Variants in BARX2 observed in about 807,000 individuals in gnomAD.
BARX2 encodes BARX homeobox 2, also known as homeobox protein BarH-like 2.
BARX2 carries 11 observed loss-of-function variants against 25.5 expected under a neutral mutation model. The observed-to-expected ratio is 0.43, with a 90% CI of 0.27 to 0.71. BARX2 has a LOEUF of 0.71. BARX2 is among the 30% of genes least tolerant of loss of function. The pLI is 0.19. For missense variants in BARX2, 360 were observed against 359.9 expected (o/e 1.00, Z 0.00); for synonymous variants, 137 against 149.5 (o/e 0.92, Z 0.61).
At chr11:129,375,784 G>T (rs1327638890), upstream of BARX2, among the ~76,000 whole-genome samples, 2 of 152,104 alleles carry the variant, frequency 1.3e-5, no homozygotes, top group Non-Finnish European at 2.9e-5. The surrounding 1 kb of genome is among the most constrained non-coding windows in gnomAD (Gnocchi z 4.0). Flanking sequence ...ACCCGGCCCT[G>T]CAGGAAGCTC....
At chr11:129,419,415 C>T (rs138205957) in intron 1 of BARX2, among the ~76,000 whole-genome samples, 9 of 152,226 alleles carry the variant, frequency 5.9e-5, no homozygotes, top group South Asian at 2.1e-4. Flanking sequence ...CACTTAAAGC[C>T]GAAGTTTCCA....
At chr11:129,434,421 T>TAAAAAAAAAAAAAAAAAAAA (rs56344103) in intron 1 of BARX2, among the ~76,000 whole-genome samples, 32 of 76,378 alleles carry the variant, frequency 4.2e-4, no homozygotes, top group Admixed American at 1.7e-3. Flanking sequence ...AAAAAGTAAG[T>TAAAAAAAAAAAAAAAAAAAA]AAAAAAAAAA....
At chr11:129,408,249 T>A (rs1861853037) in intron 1 of BARX2, among the ~76,000 whole-genome samples, 1 of 152,180 alleles carries the variant, frequency 6.6e-6, no homozygotes, top group Non-Finnish European at 1.5e-5. Flanking sequence ...GTTCTGTTGA[T>A]GTTAGTCCAT....
At position 129,436,961 on chromosome 11, in the gene BARX2, C is replaced by T; in HGVS notation, c.398C>T (p.Pro133Leu). ...CAGCCCACGCCCCGACAGAAGAAGC[C>T]CCGCCGGAGTCGCACCATCTTCACC... ...TEQPTPRQKK[P>L]RRSRTIFTEL... Residue 133 changes from proline (P) to leucine (L), a missense_variant, in exon 2 of 4, where the codon CCC (proline) becomes CTC (leucine). Around this residue, in one of 3 missense-constraint regions of BARX2, gnomAD observed 240 missense variants for 228.7 expected, o/e 1.05. Transcript: ENST00000281437. This position sits in a 1 kb window ranked among gnomAD's most constrained non-coding sequence, Gnocchi z 4.5. The T allele has an allele frequency of 6.2e-7, 1 of 1,611,928 alleles. No individual in the cohort carries two copies. Among genetic ancestry groups the T allele is most frequent in the Non-Finnish European group, 8.5e-7 (1 of 1,178,484 alleles).
At chr11:129,378,822 A>T (rs538487010) in intron 1 of BARX2, among the ~76,000 whole-genome samples, 270 of 150,718 alleles carry the variant, frequency 1.8e-3, no homozygotes, top group African/African-American at 6.4e-3. Context: ...TAAAATTGGG[A>T]TGGAAAGAAA....
intron 1 of BARX2, among the ~76,000 whole-genome samples, chr11:129,402,303 T>C (rs1334002163): frequency 6.7e-6 from 1 of 149,350 alleles, no homozygotes; most frequent in Non-Finnish European, 1.5e-5. Flanking sequence ...TTAGACACAC[T>C]GAGCATTTGT....
Position 129,403,961 on chromosome 11 carries a change from C to T in BARX2, c.187+27739C>T, listed in dbSNP as rs1861802902. Among the ~76,000 whole-genome samples the T allele has an allele frequency of 1.3e-5, 2 of 152,166 alleles. 1 individual carries two copies. The highest frequency in any genetic ancestry group is 1.3e-4 in the Admixed American group (2 of 15,284). On this transcript the variant is annotated intron_variant, in intron 1 of 3. Transcript: ENST00000281437. ...GGCTAACTAGTACTTTTCTGAAAGG[C>T]ACAGAAAGGTCAGCAGGTATAAGGA...
At chr11:129,384,244 TA>T (rs879382797) in intron 1 of BARX2, among the ~76,000 whole-genome samples, 1 of 151,456 alleles carries the variant, frequency 6.6e-6, no homozygotes, top group African/African-American at 2.4e-5. Flanking sequence ...TTTTTTTTTT[TA>T]AAAAACCAAC....
intron 1 of BARX2, among the ~76,000 whole-genome samples, chr11:129,417,205 G>A (rs1236808228): frequency 6.6e-6 from 1 of 152,052 alleles, no homozygotes; most frequent in Admixed American, 6.6e-5. Context: ...CTGGCCCAGT[G>A]TCTTTATTTT....
chr11:129,423,667 C>A (rs563957818), intron 1 of BARX2, among the ~76,000 whole-genome samples: 108 of 152,260 alleles, frequency 7.1e-4, no homozygotes, highest in African/African-American at 2.5e-3. Flanking sequence ...TAATGAGTAA[C>A]CTCATTGAAT....
rs757360309 is a variant in BARX2 at position 129,376,139 on chromosome 11, C to A, written c.104C>A (p.Thr35Asn). The A allele has an allele frequency of 6.2e-6, 10 of 1,613,556 alleles. No individual in the cohort carries two copies. Among genetic ancestry groups the A allele is most frequent in the Non-Finnish European group, 5.1e-6 (6 of 1,179,796 alleles). ...FMIDEILSKE[T>N]CDYFEKLSLY... ...ATCGACGAGATCCTCTCCAAGGAGA[C>A]CTGCGATTACTTTGAGAAACTTTCC... Residue 35 changes from threonine (T) to asparagine (N), a missense_variant, in exon 1 of 4, where the codon ACC becomes AAC. Transcript: ENST00000281437. This position sits in a 1 kb window ranked among gnomAD's most constrained non-coding sequence, Gnocchi z 4.2.
At chr11:129,381,433 G>T (rs1404031592) in intron 1 of BARX2, among the ~76,000 whole-genome samples, 1 of 152,096 alleles carries the variant, frequency 6.6e-6, no homozygotes, top group Non-Finnish European at 1.5e-5. Context: ...GTGTATGTGA[G>T]AGGCAGCTCG....
At chr11:129,384,536 C>T (rs1023119367) in intron 1 of BARX2, among the ~76,000 whole-genome samples, 2 of 152,156 alleles carry the variant, frequency 1.3e-5, no homozygotes, top group Non-Finnish European at 2.9e-5. Context: ...GTCACAGTCT[C>T]GTGTGGATTG....
chr11:129,433,737 T>A (rs1417169318), intron 1 of BARX2, among the ~76,000 whole-genome samples: 1 of 152,174 alleles, frequency 6.6e-6, no homozygotes, highest in Non-Finnish European at 1.5e-5. Context: ...TGGCCTTCCC[T>A]GACTCCTCAT....
chr11:129,427,350 C>T (rs545793525), intron 1 of BARX2, among the ~76,000 whole-genome samples: 10 of 152,186 alleles, frequency 6.6e-5, no homozygotes, highest in East Asian at 1.9e-4. Context: ...TTGGTAGGAA[C>T]GGGAGCTTAG....
intron 1 of BARX2, among the ~76,000 whole-genome samples, chr11:129,378,989 A>G (rs1861534137): frequency 6.6e-6 from 1 of 152,200 alleles, no homozygotes; most frequent in African/African-American, 2.4e-5. Flanking sequence ...TCTCAGGCAG[A>G]TAATCACCTG....
At position 129,436,534 on chromosome 11, in the gene BARX2, G is replaced by A. The variant is rs1401433019; in HGVS notation, c.188-217G>A. 1.3e-5 allele frequency: 6 copies of A among 453,312 alleles called. No individual in the cohort carries two copies. Among genetic ancestry groups the A allele is most frequent in the African/African-American group, 2.0e-5 (1 of 50,752 alleles). 28.1% of individuals were successfully genotyped at this position (453,312 alleles called of 1,614,324 possible). A position where few individuals can be genotyped will look rare whatever the true frequency, so the allele number is the denominator to read the frequency against. On this transcript the variant is annotated intron_variant, in intron 1 of 3. Transcript: ENST00000281437. The surrounding 1 kb of genome is among the most constrained non-coding windows in gnomAD (Gnocchi z 4.5). Reference sequence around the variant, plus strand: ...GACTTGCAGGAACCTCTTCTGGGCCGTGGGCTTCATCTTCCCACACAGAGC... The same window carrying A: ...GACTTGCAGGAACCTCTTCTGGGCCATGGGCTTCATCTTCCCACACAGAGC...
chr11:129,400,256 A>C (rs532550457), intron 1 of BARX2, among the ~76,000 whole-genome samples: 1 of 152,316 alleles, frequency 6.6e-6, no homozygotes, highest in East Asian at 1.9e-4. Context: ...AAAGGGGTAC[A>C]AACATATTAG....
At chr11:129,384,464 C>G (rs190337671) in intron 1 of BARX2, among the ~76,000 whole-genome samples, 2 of 152,246 alleles carry the variant, frequency 1.3e-5, no homozygotes, top group East Asian at 3.9e-4. Context: ...TTCCCAGAGT[C>G]CTTTTCACTC....
Sources: gnomAD v4.1 joint callset for allele counts (sites outside exome capture counted in the v4.1 genomes callset) on GRCh38, gnomAD v4.1.1 for gene constraint, gnomAD v4.1.1 regional missense constraint, Gnocchi (gnomAD v3.1) non-coding constraint, MANE v1.5 for transcripts, NCBI Gene and HGNC (gene_info 2026-07-23, HGNC 2026-07-21) for gene names.